FLT3: variants seen among roughly 807,000 people sequenced by gnomAD.
FLT3 encodes the protein fms related receptor tyrosine kinase 3.
A neutral mutation model predicts 126.6 loss-of-function variants in FLT3; 46 were observed. That is an observed-to-expected ratio of 0.36 (90% confidence interval 0.29 to 0.46). FLT3 has a LOEUF of 0.46. FLT3 is among the 20% of genes least tolerant of loss of function. The probability of loss-of-function intolerance (pLI) is 1.00; values close to 1 mark genes in which losing one functional copy is unlikely to be tolerated. For synonymous variants in FLT3, 404 were observed against 434.4 expected (o/e 0.93, Z 0.87); for missense variants, 1,069 against 1,190.3 (o/e 0.90, Z 1.50).
intron 9 of FLT3, among the ~76,000 whole-genome samples, chr13:28,042,629 T>C (rs774046699): frequency 2.0e-5 from 3 of 152,094 alleles, no homozygotes; most frequent in Non-Finnish European, 2.9e-5. Flanking sequence ...CCTATAGGAT[T>C]TTGCACATGG....
intron 1 of FLT3, chr13:28,073,403 T>C: frequency 2.2e-6 from 1 of 445,004 alleles, no homozygotes; most frequent in South Asian, 1.7e-5. Context: ...GGTCTGTAGA[T>C]AGCGACAGGA....
intron 2 of FLT3, chr13:28,068,100 C>G (rs558799546): frequency 8.4e-5 from 13 of 154,886 alleles, no homozygotes; most frequent in African/African-American, 2.9e-4. Context: ...AAGATCTGTT[C>G]AGGAGGAATG....
At chr13:28,067,334 T>A (rs946410374) in intron 2 of FLT3, among the ~76,000 whole-genome samples, 2 of 152,268 alleles carry the variant, frequency 1.3e-5, no homozygotes, top group East Asian at 3.9e-4. Flanking sequence ...CTGTAAAAAG[T>A]TTTTAAAAAT....
intron 20 of FLT3, 67 bp from the exon 21 acceptor site, chr13:28,015,768 G>C: frequency 1.1e-6 from 1 of 933,738 alleles, no homozygotes; most frequent in South Asian, 1.3e-5. Flanking sequence ...CTTTTCTTTT[G>C]TATTAAGATG....
At chr13:28,039,304 C>T (rs578258150) in intron 9 of FLT3, among the ~76,000 whole-genome samples, 10 of 151,994 alleles carry the variant, frequency 6.6e-5, no homozygotes, top group African/African-American at 1.9e-4. Context: ...CAGGTTCAAG[C>T]GATTCTCCTG....
chr13:28,092,538 T>C (rs922622072), intron 1 of FLT3, among the ~76,000 whole-genome samples: 4 of 152,020 alleles, frequency 2.6e-5, no homozygotes, highest in Non-Finnish European at 5.9e-5. Context: ...AGCTAACATT[T>C]TGACTACTTG....
chr13:28,014,331 C>T lies in FLT3; in HGVS notation c.2859+121G>A, dbSNP rs1236016235. 4 of 687,788 alleles carry T rather than the reference C, an allele frequency of 5.8e-6. No homozygotes were observed. The East Asian group carries it at 1.1e-4, about 18-fold the overall frequency. 42.6% of individuals were successfully genotyped at this position (687,788 alleles called of 1,614,324 possible). A position where few individuals can be genotyped will look rare whatever the true frequency, so the allele number is the denominator to read the frequency against. ...ACCCCACACAACTTTGAAAGGGCAA[C>T]CCAGAAAAACTGCAATGAGAATGAC... On this transcript the variant is annotated intron_variant, in intron 23 of 23. Coordinates refer to ENST00000241453, the MANE Select transcript of FLT3 (RefSeq NM_004119.3).
chr13:28,030,165 T>C (rs1356509659), intron 15 of FLT3, among the ~76,000 whole-genome samples: 1 of 152,198 alleles, frequency 6.6e-6, no homozygotes, highest in African/African-American at 2.4e-5. Context: ...GCTGACATCC[T>C]CTATTTTGGT....
rs530953334 is a variant in FLT3 at position 28,020,592 on chromosome 13, C to T, written c.2419-2003G>A. On this transcript the variant is annotated intron_variant, in intron 19 of 23. Transcript: ENST00000241453. ...GAACTCTTGGCCTCAAGCAATCCAC[C>T]GTCTCAACCTCCCAAAGTGCTGGGA... is the stretch of plus-strand genomic sequence containing the variant. Among the ~76,000 whole-genome samples, 3 of 152,248 alleles carry T rather than the reference C, an allele frequency of 2.0e-5. No individual in the cohort carries two copies. In the East Asian group the frequency reaches 5.8e-4, roughly 29 times the overall value.
intron 2 of FLT3, among the ~76,000 whole-genome samples, chr13:28,064,649 A>G (rs1876860970): frequency 6.6e-6 from 1 of 152,236 alleles, no homozygotes; most frequent in South Asian, 2.1e-4. Flanking sequence ...TCCATAAGTT[A>G]AAACAAGACT....
Position 28,100,528 on chromosome 13 carries a change from G to A in FLT3, c.-18C>T, listed in dbSNP as rs1007543934. 8.2e-7 allele frequency: 1 copy of A among 1,212,956 alleles called. No individual in the cohort carries two copies. Among genetic ancestry groups the A allele is most frequent in the East Asian group, 3.3e-5 (1 of 30,142 alleles). The allele number at this position is 1,212,956 out of a possible 1,614,324, so 75.1% of individuals were successfully genotyped here. Reference sequence around the variant, plus strand: ...GCCGGCATGGCCTCCGGAGCCCGGGGTCCCCAGGCCGCGCCGGCCCAGCCC... The same window carrying A: ...GCCGGCATGGCCTCCGGAGCCCGGGATCCCCAGGCCGCGCCGGCCCAGCCC... On this transcript the variant is annotated 5_prime_UTR_variant, in exon 1 of 24. Transcript: ENST00000241453. This position sits in a 1 kb window ranked among gnomAD's most constrained non-coding sequence, Gnocchi z 4.8.
At chr13:28,081,894 T>C (rs1223548512) in intron 1 of FLT3, among the ~76,000 whole-genome samples, 1 of 140,588 alleles carries the variant, frequency 7.1e-6, no homozygotes, top group Non-Finnish European at 1.5e-5. Context: ...TCTTGCTCTG[T>C]CGCCCAGGCT....
At chr13:28,096,393 G>A (rs1879451358) in intron 1 of FLT3, among the ~76,000 whole-genome samples, 1 of 151,894 alleles carries the variant, frequency 6.6e-6, no homozygotes, top group South Asian at 2.1e-4. Flanking sequence ...GCAAAAAACT[G>A]GGATCCCTTT....
At chr13:28,032,898 C>G (rs1049671785) in intron 15 of FLT3, among the ~76,000 whole-genome samples, 4 of 152,148 alleles carry the variant, frequency 2.6e-5, no homozygotes, top group Non-Finnish European at 1.5e-5. Context: ...CACTGTTGAC[C>G]TTAGCAAGAG....
intron 11 of FLT3, 116 bp from the exon 12 acceptor site, chr13:28,035,789 CTA>C (rs1873782053): frequency 8.0e-7 from 1 of 1,248,810 alleles, no homozygotes; most frequent in African/African-American, 1.5e-5. Flanking sequence ...CAGAAACAGT[CTA>C]TGACTATTGA....
At chr13:28,045,640 A>T (rs576033702) in intron 9 of FLT3, among the ~76,000 whole-genome samples, 144 of 152,238 alleles carry the variant, frequency 9.5e-4, no homozygotes, top group African/African-American at 3.1e-3. Flanking sequence ...CGGTTGGATC[A>T]CTTGAGGTCA....
At chr13:28,015,894 G>A (rs1257062329) in intron 20 of FLT3, among the ~76,000 whole-genome samples, 193 bp from the exon 21 acceptor site, 1 of 152,068 alleles carries the variant, frequency 6.6e-6, no homozygotes, top group South Asian at 2.1e-4. Flanking sequence ...TAAAACATAA[G>A]GCATATTTCT....
Position 28,022,511 on chromosome 13 carries a change from A to AAAAAC in FLT3, c.2418+834_2418+838dup, listed in dbSNP as rs1377403538. Among the ~76,000 whole-genome samples the AAAAAC allele has an allele frequency of 1.1e-4, 16 of 152,250 alleles. No homozygotes were observed. In the South Asian group the frequency reaches 2.9e-3, roughly 28 times the overall value. The stretch of plus-strand genomic sequence containing the variant: ...TGGGCAACAGAGCGAGACTGTCTCC[A>AAAAAC]AAAACAAAACAAAACAAAACAAAAA... On this transcript the variant is annotated intron_variant, in intron 19 of 23. Coordinates refer to ENST00000241453, the MANE Select transcript of FLT3 (RefSeq NM_004119.3).
At chr13:28,024,582 C>A (rs564300928) in intron 18 of FLT3, among the ~76,000 whole-genome samples, 1 of 152,328 alleles carries the variant, frequency 6.6e-6, no homozygotes, top group African/African-American at 2.4e-5. Context: ...TTCTATGTAA[C>A]TTCGGAACTC....
Sources: allele counts gnomAD v4.1 joint callset (sites outside exome capture counted in the v4.1 genomes callset), GRCh38; gene constraint gnomAD v4.1.1; non-coding constraint Gnocchi (gnomAD v3.1); transcripts MANE v1.5; gene names NCBI Gene and HGNC (gene_info 2026-07-23, HGNC 2026-07-21).